The following YWHAE variants were observed in gnomAD, a reference collection of about 807,000 sequenced individuals.
The protein encoded by YWHAE is tyrosine 3-monooxygenase/tryptophan 5-monooxygenase activation protein epsilon, also known as 14-3-3 protein epsilon.
YWHAE carries 4 observed loss-of-function variants against 30.1 expected under a neutral mutation model. The ratio of observed to expected loss-of-function variants is 0.13; its 90% CI spans 0.07 to 0.30. The LOEUF (loss-of-function observed/expected upper bound fraction) is 0.30. YWHAE is among the 10% of genes least tolerant of loss of function. YWHAE has a pLI of 1.00. For missense variants in YWHAE, 121 were observed against 315.9 expected, an observed-to-expected ratio of 0.38 and a Z score of 4.68; for synonymous variants, 118 against 111.8, an observed-to-expected ratio of 1.06 and a Z score of -0.35.
intron 1 of YWHAE, among the ~76,000 whole-genome samples, chr17:1,376,952 A>T (rs1334451393): frequency 6.7e-6 from 1 of 149,358 alleles, no homozygotes; most frequent in Non-Finnish European, 1.5e-5. Context: ...TTTGAGACAG[A>T]GTCTAGCTCT....
intron 4 of YWHAE, among the ~76,000 whole-genome samples, chr17:1,357,247 C>T (rs1259413922): frequency 2.6e-5 from 4 of 151,776 alleles, no homozygotes; most frequent in Non-Finnish European, 5.9e-5. Flanking sequence ...ACTAAAAATA[C>T]CAAAAATTAG....
chr17:1,374,747 C>T lies in YWHAE; in HGVS notation c.65-9689G>A, dbSNP rs193293771. Among the ~76,000 whole-genome samples the T allele has an allele frequency of 1.2e-3, 180 of 152,260 alleles. 1 individual carries two copies. The highest frequency in any genetic ancestry group is 4.1e-3 in the African/African-American group (171 of 41,540). ...TATGTTCTCTGGAGAAATATCTATT[C>T]AAACACTTTGCCAAATATTTAATTA... On this transcript the variant is annotated intron_variant, in intron 1 of 5. Transcript: ENST00000264335.
At chr17:1,384,273 C>T (rs556729110) in intron 1 of YWHAE, among the ~76,000 whole-genome samples, 3 of 149,262 alleles carry the variant, frequency 2.0e-5, no homozygotes, top group East Asian at 2.0e-4. Flanking sequence ...CTACCCAGGA[C>T]GCAGAGGTGG....
chr17:1,378,926 G>C (rs1186411865), intron 1 of YWHAE, among the ~76,000 whole-genome samples: 1 of 150,984 alleles, frequency 6.6e-6, no homozygotes, highest in African/African-American at 2.4e-5. Flanking sequence ...TTCCAGCCTG[G>C]CGACAAGAGC....
intron 1 of YWHAE, among the ~76,000 whole-genome samples, chr17:1,396,410 C>G (rs974635738): frequency 1.3e-5 from 2 of 151,916 alleles, no homozygotes; most frequent in South Asian, 4.2e-4. Context: ...GGAGACAGAG[C>G]GAGACTCCGT....
chr17:1,367,991 C>T (rs1410385163), intron 1 of YWHAE, among the ~76,000 whole-genome samples: 2 of 152,154 alleles, frequency 1.3e-5, no homozygotes, highest in African/African-American at 2.4e-5. Flanking sequence ...TGGCTCACAC[C>T]TGTCATCTTA....
At chr17:1,351,703 C>G (rs1363408002) in intron 5 of YWHAE, among the ~76,000 whole-genome samples, 1 of 152,118 alleles carries the variant, frequency 6.6e-6, no homozygotes, top group Non-Finnish European at 1.5e-5. Context: ...GCAATCGAAG[C>G]TCACTGCAGC....
intron 1 of YWHAE, among the ~76,000 whole-genome samples, chr17:1,386,504 AG>A (rs1325311910): frequency 1.3e-5 from 2 of 152,240 alleles, no homozygotes; most frequent in East Asian, 1.9e-4. Flanking sequence ...GTCGGCATTC[AG>A]TAAGTATTTG....
At chr17:1,389,151 A>G (rs1324655725) in intron 1 of YWHAE, among the ~76,000 whole-genome samples, 1 of 152,110 alleles carries the variant, frequency 6.6e-6, no homozygotes. Flanking sequence ...CTTTTTGTAG[A>G]AACAGGGTCT....
intron 1 of YWHAE, among the ~76,000 whole-genome samples, chr17:1,368,520 C>T (rs866717359): frequency 4.0e-5 from 6 of 149,616 alleles, no homozygotes; most frequent in South Asian, 2.1e-4. Context: ...GCTGAGATCG[C>T]GCCATTGCAC....
At chr17:1,393,277 C>T (rs954392840) in intron 1 of YWHAE, among the ~76,000 whole-genome samples, 1 of 150,642 alleles carries the variant, frequency 6.6e-6, no homozygotes, top group African/African-American at 2.4e-5. Flanking sequence ...GCCAAGATCG[C>T]ACCACTGCAC....
intron 1 of YWHAE, among the ~76,000 whole-genome samples, chr17:1,393,918 T>C (rs1015485837): frequency 6.6e-6 from 1 of 152,212 alleles, no homozygotes; most frequent in Non-Finnish European, 1.5e-5. Context: ...ATCAGGTTTC[T>C]TTAGGAAAGT....
At chr17:1,373,615 T>C (rs1289534611) in intron 1 of YWHAE, among the ~76,000 whole-genome samples, 37 of 150,308 alleles carry the variant, frequency 2.5e-4, no homozygotes, top group Non-Finnish European at 4.0e-4. Context: ...TTGTAGTGAG[T>C]AGAGATCGTG....
Position 1,354,205 on chromosome 17 carries a change from G to C in YWHAE, c.715+6C>G, listed in dbSNP as rs745705945. 4 of 1,612,206 alleles carry C rather than the reference G, an allele frequency of 2.5e-6. No individual in the cohort carries two copies. In the South Asian group the frequency reaches 4.4e-5, roughly 18 times the overall value. On this transcript the variant is annotated splice_donor_region_variant and intron_variant, in intron 5 of 5. Coordinates refer to ENST00000264335, the MANE Select transcript of YWHAE (RefSeq NM_006761.5). ...GAGGTGCCTGTTTCACTCCGTGCTTGCTTACCGTCACCCTGCATGTCTGAA... is the reference window on the plus strand; with the variant it reads ...GAGGTGCCTGTTTCACTCCGTGCTTCCTTACCGTCACCCTGCATGTCTGAA...
intron 1 of YWHAE, among the ~76,000 whole-genome samples, chr17:1,369,467 C>A (rs1191219900): frequency 1.3e-5 from 2 of 152,190 alleles, no homozygotes; most frequent in African/African-American, 4.8e-5. Flanking sequence ...GCACTACAGC[C>A]TGGGTAACAG....
chr17:1,393,431 C>T (rs971272555), intron 1 of YWHAE, among the ~76,000 whole-genome samples: 11 of 152,070 alleles, frequency 7.2e-5, no homozygotes, highest in African/African-American at 2.7e-4. Flanking sequence ...TGATAAACTA[C>T]GGGGCTTTTC....
chr17:1,368,681 G>A (rs771683080), intron 1 of YWHAE, among the ~76,000 whole-genome samples: 5 of 151,920 alleles, frequency 3.3e-5, no homozygotes, highest in South Asian at 2.1e-4. Flanking sequence ...AACCAGTCAC[G>A]AAACAGTCTA....
chr17:1,384,591 G>A (rs2073272247), intron 1 of YWHAE, among the ~76,000 whole-genome samples: 1 of 152,094 alleles, frequency 6.6e-6, no homozygotes, highest in Non-Finnish European at 1.5e-5. Context: ...TACTCAGGAG[G>A]CTGAGGCAGG....
chr17:1,398,419 A>G (rs1479838001), intron 1 of YWHAE, among the ~76,000 whole-genome samples: 1 of 151,508 alleles, frequency 6.6e-6, no homozygotes, highest in Non-Finnish European at 1.5e-5. Flanking sequence ...TATTTCCTAA[A>G]TATGAGTTCT....
Sources: gnomAD v4.1 joint callset for allele counts (sites outside exome capture counted in the v4.1 genomes callset) on GRCh38, gnomAD v4.1.1 for gene constraint, MANE v1.5 for transcripts, NCBI Gene and HGNC (gene_info 2026-07-23, HGNC 2026-07-21) for gene names.